Variants in CSGALNACT1 observed in about 807,000 individuals in gnomAD.
The protein encoded by CSGALNACT1 is chondroitin sulfate N-acetylgalactosaminyltransferase 1.
Under a neutral mutation model 51.0 loss-of-function variants are expected in CSGALNACT1, and 52 were observed. The ratio of observed to expected loss-of-function variants is 1.02; its 90% CI spans 0.82 to 1.29. CSGALNACT1 has a LOEUF of 1.29. Among genes scored for constraint, CSGALNACT1 ranks in the 50% most tolerant of loss-of-function variants. The pLI, the probability that CSGALNACT1 is intolerant of heterozygous loss-of-function variation, is 0.00. For missense variants in CSGALNACT1, 935 were observed against 679.2 expected (o/e 1.38, Z -4.19); for synonymous variants, 341 against 254.4 (o/e 1.34, Z -3.24).
chr8:19,648,457 A>G (rs551666401), intron 1 of CSGALNACT1, among the ~76,000 whole-genome samples: 3 of 152,214 alleles, frequency 2.0e-5, no homozygotes, highest in African/African-American at 7.2e-5. Context: ...TCCTTTACAG[A>G]TACATCTCCA....
chr8:19,568,303 T>C (rs1456818505), intron 3 of CSGALNACT1, among the ~76,000 whole-genome samples: 4 of 152,188 alleles, frequency 2.6e-5, no homozygotes, highest in Admixed American at 2.6e-4. Context: ...TTGAATACAA[T>C]TGTAACACAA....
chr8:19,555,769 C>T (rs1350250406), intron 3 of CSGALNACT1, among the ~76,000 whole-genome samples: 2 of 152,120 alleles, frequency 1.3e-5, no homozygotes, highest in Non-Finnish European at 2.9e-5. Flanking sequence ...CTATCGTCAC[C>T]TTAATTGCCT....
At chr8:19,520,681 T>C (rs544108289) in intron 3 of CSGALNACT1, among the ~76,000 whole-genome samples, 14 of 152,356 alleles carry the variant, frequency 9.2e-5, no homozygotes, top group Admixed American at 8.5e-4. Flanking sequence ...TCCACTAATA[T>C]GTTCCCTCTG....
intron 2 of CSGALNACT1, among the ~76,000 whole-genome samples, chr8:19,591,429 T>C (rs540874155): frequency 7.9e-5 from 12 of 152,350 alleles, no homozygotes; most frequent in African/African-American, 2.6e-4. Flanking sequence ...ATAAGTATAC[T>C]GTAAAAAATC....
intron 5 of CSGALNACT1, among the ~76,000 whole-genome samples, chr8:19,455,875 C>G (rs2063977702): frequency 1.3e-5 from 2 of 152,208 alleles, no homozygotes; most frequent in South Asian, 4.1e-4. Flanking sequence ...ATCTTCTGAT[C>G]CCCTGCACCT....
intron 3 of CSGALNACT1, among the ~76,000 whole-genome samples, chr8:19,565,286 T>C (rs1466749728): frequency 6.6e-6 from 1 of 152,158 alleles, no homozygotes; most frequent in Non-Finnish European, 1.5e-5. Flanking sequence ...GACTCCCAGA[T>C]TGAGTAAGTA....
At chr8:19,603,846 G>C (rs1021154511), upstream of CSGALNACT1, among the ~76,000 whole-genome samples, 6 of 152,150 alleles carry the variant, frequency 3.9e-5, no homozygotes, top group Admixed American at 6.5e-5. Context: ...AAAACAAATA[G>C]ACTGTCAGCT....
chr8:19,752,912 C>A (rs934715131), intron 1 of CSGALNACT1, among the ~76,000 whole-genome samples: 1 of 152,178 alleles, frequency 6.6e-6, no homozygotes, highest in African/African-American at 2.4e-5. Context: ...TTTGTGCAGG[C>A]ACAACTCCCA....
chr8:19,651,291 G>T (rs1297453995), intron 1 of CSGALNACT1, among the ~76,000 whole-genome samples: 1 of 151,988 alleles, frequency 6.6e-6, no homozygotes, highest in African/African-American at 2.4e-5. Context: ...TTTAGGTTCA[G>T]GGGTACATGT....
chr8:19,725,584 C>A (rs2063353875), intron 1 of CSGALNACT1, among the ~76,000 whole-genome samples: 1 of 151,820 alleles, frequency 6.6e-6, no homozygotes, highest in Non-Finnish European at 1.5e-5. Flanking sequence ...ACCACCATGC[C>A]CAGCTAGTTT....
intron 6 of CSGALNACT1, among the ~76,000 whole-genome samples, chr8:19,421,226 A>G (rs980396457): frequency 2.6e-5 from 4 of 152,136 alleles, no homozygotes; most frequent in Admixed American, 2.6e-4. Context: ...TTAGTGAGAT[A>G]AACAGTGCCA....
intron 4 of CSGALNACT1, among the ~76,000 whole-genome samples, chr8:19,495,719 G>C (rs1011986504): frequency 6.6e-6 from 1 of 152,202 alleles, no homozygotes; most frequent in Non-Finnish European, 1.5e-5. Context: ...ATTCGGAAGA[G>C]AATGTGTAGC....
At chr8:19,408,049 T>A (rs957166372) in intron 9 of CSGALNACT1, among the ~76,000 whole-genome samples, 2 of 152,160 alleles carry the variant, frequency 1.3e-5, no homozygotes, top group Non-Finnish European at 2.9e-5. Context: ...ATGTGCTTCC[T>A]CCCAGTTCCC....
rs781748681 is a variant in CSGALNACT1, at chr8:19,420,526, G to A, written c.954-8C>T. ...TTCCTGAAGTTGGCAGCTCTGAAAG[G>A]CAAGACCAGGTACTGTCACTCACAT... On this transcript the variant is annotated splice_region_variant and splice_polypyrimidine_tract_variant and intron_variant, in intron 6 of 9. Coordinates refer to ENST00000454498, the Ensembl canonical transcript of CSGALNACT1. 9 of 1,613,348 alleles carry A rather than the reference G, an allele frequency of 5.6e-6. No homozygotes were observed. Among genetic ancestry groups the A allele is most frequent in the Non-Finnish European group, 7.6e-6 (9 of 1,179,886 alleles).
intron 3 of CSGALNACT1, among the ~76,000 whole-genome samples, chr8:19,532,920 C>T (rs181407299): frequency 1.3e-5 from 2 of 152,200 alleles, no homozygotes; most frequent in Admixed American, 1.3e-4. Flanking sequence ...TTCCAACTGC[C>T]ATACATCCCA....
chr8:19,426,850 C>CT (rs1187390048), intron 6 of CSGALNACT1, among the ~76,000 whole-genome samples: 11 of 152,168 alleles, frequency 7.2e-5, no homozygotes, highest in African/African-American at 2.7e-4. Flanking sequence ...ATGATTTACT[C>CT]TAATATAGAC....
intron 1 of CSGALNACT1, among the ~76,000 whole-genome samples, chr8:19,665,661 G>C (rs1396592903): frequency 6.6e-6 from 1 of 152,056 alleles, no homozygotes; most frequent in African/African-American, 2.4e-5. Flanking sequence ...CACAGAACTT[G>C]GTTCTGCGAC....
intron 3 of CSGALNACT1, among the ~76,000 whole-genome samples, chr8:19,528,175 A>AT (rs2154049507): frequency 6.6e-6 from 1 of 151,846 alleles, no homozygotes; most frequent in Non-Finnish European, 1.5e-5. Context: ...TCTGTAGCCC[A>AT]TTTTTGCCAC....
chr8:19,462,345 AT>A (rs72575580), intron 4 of CSGALNACT1, among the ~76,000 whole-genome samples: 1 of 151,646 alleles, frequency 6.6e-6, no homozygotes, highest in African/African-American at 2.4e-5. Context: ...CAGAGGAATG[AT>A]TTTTTTTTCC....
Sources: allele counts gnomAD v4.1 joint callset (sites outside exome capture counted in the v4.1 genomes callset), GRCh38; gene constraint gnomAD v4.1.1; transcripts MANE v1.5; gene names NCBI Gene and HGNC (gene_info 2026-07-23, HGNC 2026-07-21).